Variants in KDM5B observed in about 807,000 individuals in gnomAD.
KDM5B encodes the protein lysine demethylase 5B, also known as lysine-specific demethylase 5B.
In KDM5B, 144 loss-of-function variants were observed where a neutral mutation model predicts 193.4. The ratio of observed to expected loss-of-function variants is 0.74; its 90% CI spans 0.65 to 0.86. The LOEUF (loss-of-function observed/expected upper bound fraction) is 0.86. Ranked by LOEUF, KDM5B falls within the 40% of genes least tolerant of loss-of-function variation. The probability of loss-of-function intolerance (pLI) is 0.00; values close to 1 mark genes in which losing one functional copy is unlikely to be tolerated. For missense variants in KDM5B, 1,833 were observed against 1,886.9 expected, an observed-to-expected ratio of 0.97 and a Z score of 0.53; for synonymous variants, 668 against 682.6, an observed-to-expected ratio of 0.98 and a Z score of 0.33.
chr1:202,761,096 T>C (rs186604225), intron 7 of KDM5B, among the ~76,000 whole-genome samples: 12 of 150,708 alleles, frequency 8.0e-5, no homozygotes, highest in African/African-American at 2.9e-4. Context: ...GAAGGAAAAA[T>C]ACAAGTTTTC....
intron 7 of KDM5B, 145 bp downstream of exon 7, chr1:202,762,554 A>G: frequency 1.6e-6 from 1 of 643,238 alleles, no homozygotes; most frequent in Non-Finnish European, 2.8e-6. Flanking sequence ...CTGACTTCAG[A>G]AGATATTTTT....
chr1:202,785,382 T>TA (rs1004649973), intron 1 of KDM5B, among the ~76,000 whole-genome samples: 2 of 152,208 alleles, frequency 1.3e-5, no homozygotes, highest in African/African-American at 4.8e-5. Flanking sequence ...TCATTTTTTT[T>TA]AAAACACAGT....
intron 1 of KDM5B, among the ~76,000 whole-genome samples, chr1:202,778,041 G>A (rs1657035861): frequency 6.6e-6 from 1 of 151,992 alleles, no homozygotes; most frequent in Non-Finnish European, 1.5e-5. Flanking sequence ...CAGATGGGGT[G>A]GCAGGCGCCT....
At chr1:202,756,865 T>C (rs1444387471) in intron 9 of KDM5B, among the ~76,000 whole-genome samples, 2 of 152,218 alleles carry the variant, frequency 1.3e-5, no homozygotes, top group African/African-American at 2.4e-5. Flanking sequence ...GTAATAAGGT[T>C]TGTTGTTTCA....
chr1:202,767,220 G>A lies in KDM5B; in HGVS notation c.577-160C>T, dbSNP rs1656505414. On this transcript the variant is annotated intron_variant, in intron 4 of 26. Transcript: ENST00000367265. ...TTCATATCTGTTAAATGGAGGAACT[G>A]AAACACCCTTATGTTTTAAGCAGTT... The A allele has an allele frequency of 3.8e-6, 6 of 1,573,452 alleles. No homozygotes were observed. The South Asian group carries it at 5.5e-5, about 15-fold the overall frequency.
intron 19 of KDM5B, 27 bp from the exon 20 acceptor site, chr1:202,740,839 A>G (rs1352089357): frequency 1.3e-6 from 2 of 1,581,246 alleles, no homozygotes; most frequent in Admixed American, 3.5e-5. Flanking sequence ...AAGACTTCTT[A>G]GCATTTTATA....
intron 1 of KDM5B, among the ~76,000 whole-genome samples, chr1:202,785,572 T>C (rs1426701848): frequency 7.2e-6 from 1 of 138,018 alleles, no homozygotes; most frequent in African/African-American, 2.6e-5. Flanking sequence ...ATAATACAGG[T>C]AGAACCCTCA....
intron 16 of KDM5B, among the ~76,000 whole-genome samples, chr1:202,743,074 G>A (rs1213008902): frequency 6.6e-6 from 1 of 151,964 alleles, no homozygotes. Flanking sequence ...AGTGGCTCAC[G>A]CCTGTAAATC....
intron 20 of KDM5B, among the ~76,000 whole-genome samples, chr1:202,738,991 T>C (rs1572710763): frequency 6.6e-6 from 1 of 152,316 alleles, no homozygotes; most frequent in East Asian, 1.9e-4. Flanking sequence ...GTAGGTTTTA[T>C]TTCTTTTGTA....
intron 3 of KDM5B, 34 bp from the exon 4 acceptor site, chr1:202,773,322 G>T: frequency 6.3e-7 from 1 of 1,584,070 alleles, no homozygotes; most frequent in Non-Finnish European, 8.7e-7. Context: ...ACAACTATAT[G>T]GAAGTCACTT....
chr1:202,748,551 T>C (rs568189522), intron 14 of KDM5B, among the ~76,000 whole-genome samples: 1 of 151,294 alleles, frequency 6.6e-6, no homozygotes, highest in East Asian at 1.9e-4. Flanking sequence ...TAAAGAATTA[T>C]TACAAAAACC....
chr1:202,766,781 A>C (rs1656480805), intron 5 of KDM5B, 145 bp downstream of exon 5: 11 of 880,148 alleles, frequency 1.2e-5, no homozygotes, highest in Admixed American at 3.0e-5. Flanking sequence ...CAAGTGTAAA[A>C]GCTGGAATAC....
At position 202,735,587 on chromosome 1, in the gene KDM5B, C is replaced by T; in HGVS notation, c.3265G>A (p.Val1089Met). 1.2e-6 allele frequency: 2 copies of T among 1,613,458 alleles called. No individual in the cohort carries two copies. The highest frequency in any genetic ancestry group is 1.7e-6 in the Non-Finnish European group (2 of 1,179,574). ...CCAATATCACATCGAGGACACAGCACCTAATGTGGGACAAGGCACAACCAA... is the reference window on the plus strand; with the variant it reads ...CCAATATCACATCGAGGACACAGCATCTAATGTGGGACAAGGCACAACCAA... ...TENSPYSLLEVLCPRCDIGLL... is the reference protein window; with the variant it reads ...TENSPYSLLEMLCPRCDIGLL... Residue 1089 changes from valine (V) to methionine (M), a missense_variant and splice_region_variant, in exon 22 of 27, where the codon GTG becomes ATG. Around this residue, in one of 3 missense-constraint regions of KDM5B, gnomAD observed 1,379 missense variants for 1,349.6 expected, o/e 1.02. Transcript: ENST00000367265.
chr1:202,740,643 A>C (rs778358293), intron 20 of KDM5B, 31 bp downstream of exon 20: 18 of 1,591,322 alleles, frequency 1.1e-5, no homozygotes, highest in Non-Finnish European at 1.5e-5. Context: ...GGATGCACTT[A>C]CACATTCTGT....
chr1:202,782,718 T>A (rs947351008), intron 1 of KDM5B, among the ~76,000 whole-genome samples: 2 of 152,198 alleles, frequency 1.3e-5, no homozygotes, highest in African/African-American at 4.8e-5. Context: ...AAAGTAAAAC[T>A]TGTACTCCCT....
intron 3 of KDM5B, 124 bp from the exon 4 acceptor site, chr1:202,773,412 T>C (rs900260795): frequency 4.4e-6 from 3 of 685,120 alleles, no homozygotes; most frequent in East Asian, 2.7e-5. Context: ...TTGCCAATCA[T>C]ATATATATAC....
rs376562615 is a variant in KDM5B, at chr1:202,782,485, G to A, written c.205-5391C>T. Among the ~76,000 whole-genome samples, 6 of 152,178 alleles carry A rather than the reference G, an allele frequency of 3.9e-5. No homozygotes were observed. In the East Asian group the frequency reaches 5.8e-4, roughly 15 times the overall value. ...AAAGTGCCAGGATTACAGGTGTGAG[G>A]CATGGCAGAAGCCAAGCCATGACTT... On this transcript the variant is annotated intron_variant, in intron 1 of 26. Coordinates refer to ENST00000367265, the MANE Select transcript of KDM5B (RefSeq NM_006618.5).
At chr1:202,795,677 T>G (rs1175846494) in intron 1 of KDM5B, among the ~76,000 whole-genome samples, 2 of 151,376 alleles carry the variant, frequency 1.3e-5, no homozygotes, top group African/African-American at 2.4e-5. Flanking sequence ...GGGACTACTC[T>G]CTACATGGGT....
At chr1:202,768,659 C>T (rs1326113108) in intron 4 of KDM5B, among the ~76,000 whole-genome samples, 2 of 151,840 alleles carry the variant, frequency 1.3e-5, no homozygotes, top group African/African-American at 4.8e-5. Flanking sequence ...AAATATTAAA[C>T]ATTCTGCTCA....
Sources: gnomAD v4.1 joint callset for allele counts (sites outside exome capture counted in the v4.1 genomes callset) on GRCh38, gnomAD v4.1.1 for gene constraint, gnomAD v4.1.1 regional missense constraint, MANE v1.5 for transcripts, NCBI Gene and HGNC (gene_info 2026-07-23, HGNC 2026-07-21) for gene names.